The following PEX5L variants were observed in gnomAD, a reference collection of about 807,000 sequenced individuals.
PEX5L encodes the protein PEX5-related protein.
PEX5L carries 30 observed loss-of-function variants against 84.0 expected under a neutral mutation model. That is an observed-to-expected ratio of 0.36 (90% CI 0.27 to 0.48). PEX5L has a LOEUF of 0.48. PEX5L is among the 20% of genes least tolerant of loss of function. PEX5L has a pLI of 0.99. For synonymous variants in PEX5L, 270 were observed against 283.1 expected (o/e 0.95, Z 0.46); for missense variants, 533 against 754.6 (o/e 0.71, Z 3.44).
chr3:179,906,462 A>G (rs886971151), intron 2 of PEX5L, among the ~76,000 whole-genome samples: 1 of 152,182 alleles, frequency 6.6e-6, no homozygotes, highest in African/African-American at 2.4e-5. Context: ...CTATCTTAAA[A>G]ACATTTTTTT....
At chr3:180,030,232 T>A (rs982780386) in intron 1 of PEX5L, among the ~76,000 whole-genome samples, 1 of 152,082 alleles carries the variant, frequency 6.6e-6, no homozygotes, top group Non-Finnish European at 1.5e-5. Flanking sequence ...TCTCACTGGG[T>A]TTCTCCACAA....
intron 7 of PEX5L, among the ~76,000 whole-genome samples, chr3:179,868,525 T>C (rs1749171958): frequency 6.6e-6 from 1 of 152,154 alleles, no homozygotes; most frequent in Non-Finnish European, 1.5e-5. Context: ...AATATATTTC[T>C]TTGACATAAT....
intron 7 of PEX5L, among the ~76,000 whole-genome samples, chr3:179,864,788 A>G (rs920031132): frequency 5.9e-5 from 9 of 152,202 alleles, no homozygotes; most frequent in African/African-American, 2.2e-4. Flanking sequence ...GTTTTACATG[A>G]TAAATATATA....
At chr3:179,951,857 A>G (rs1029928652) in intron 2 of PEX5L, among the ~76,000 whole-genome samples, 1 of 152,224 alleles carries the variant, frequency 6.6e-6, no homozygotes, top group Non-Finnish European at 1.5e-5. Context: ...GGTGATGACG[A>G]TGAAATGAAA....
chr3:180,029,192 T>C (rs1450087698), intron 1 of PEX5L, among the ~76,000 whole-genome samples: 1 of 152,148 alleles, frequency 6.6e-6, no homozygotes, highest in Admixed American at 6.5e-5. Flanking sequence ...AATAAATAGT[T>C]TATTTTGTTA....
intron 2 of PEX5L, among the ~76,000 whole-genome samples, chr3:179,960,076 T>C (rs1051445719): frequency 6.6e-6 from 1 of 152,178 alleles, no homozygotes; most frequent in African/African-American, 2.4e-5. Flanking sequence ...CTTATATTTG[T>C]AAAGCTGAAG....
intron 8 of PEX5L, among the ~76,000 whole-genome samples, chr3:179,833,636 C>T (rs908360123): frequency 1.3e-5 from 2 of 152,246 alleles, no homozygotes; most frequent in East Asian, 3.9e-4. Flanking sequence ...CTCTCAGCCT[C>T]TTTTCTATCA....
chr3:179,926,127 T>C (rs1254815823), intron 2 of PEX5L, among the ~76,000 whole-genome samples: 3 of 152,120 alleles, frequency 2.0e-5, no homozygotes, highest in Non-Finnish European at 4.4e-5. Flanking sequence ...ATCCAATCCA[T>C]CAGCAGAGTC....
chr3:180,018,315 T>C (rs2110495928), intron 1 of PEX5L, among the ~76,000 whole-genome samples: 1 of 152,330 alleles, frequency 6.6e-6, no homozygotes, highest in East Asian at 1.9e-4. Flanking sequence ...AACCTTTCTA[T>C]TGAATGGGCT....
At chr3:179,958,035 T>TAC (rs1781027745) in intron 2 of PEX5L, among the ~76,000 whole-genome samples, 1 of 152,030 alleles carries the variant, frequency 6.6e-6, no homozygotes, top group African/African-American at 2.4e-5. Flanking sequence ...CTCACACACA[T>TAC]ACACACACAC....
intron 1 of PEX5L, among the ~76,000 whole-genome samples, chr3:179,981,311 G>A (rs556796415): frequency 1.3e-5 from 2 of 152,204 alleles, no homozygotes; most frequent in African/African-American, 2.4e-5. Context: ...AGAGAGTGAC[G>A]TTATCAGATA....
At chr3:179,853,379 G>T (rs567677760) in intron 8 of PEX5L, among the ~76,000 whole-genome samples, 1 of 152,180 alleles carries the variant, frequency 6.6e-6, no homozygotes, top group African/African-American at 2.4e-5. Flanking sequence ...TCCTGCTAAC[G>T]TTGATGAAGG....
intron 2 of PEX5L, among the ~76,000 whole-genome samples, chr3:179,945,546 G>A (rs895327803): frequency 3.9e-5 from 6 of 152,182 alleles, no homozygotes; most frequent in Non-Finnish European, 7.3e-5. Context: ...CATGATGCCA[G>A]GCTATCTAAT....
At chr3:179,871,133 C>T (rs1349650177) in intron 7 of PEX5L, among the ~76,000 whole-genome samples, 5 of 132,258 alleles carry the variant, frequency 3.8e-5, no homozygotes, top group Admixed American at 3.4e-4. Flanking sequence ...GGCTGAGTCT[C>T]GCTCTGTCAC....
At chr3:179,846,244 AG>A (rs1277014994) in intron 8 of PEX5L, among the ~76,000 whole-genome samples, 1 of 152,168 alleles carries the variant, frequency 6.6e-6, no homozygotes, top group Non-Finnish European at 1.5e-5. Flanking sequence ...CATATTTATG[AG>A]GTATATGTGA....
chr3:180,025,246 C>G (rs1264649232), intron 1 of PEX5L, among the ~76,000 whole-genome samples: 1 of 152,132 alleles, frequency 6.6e-6, no homozygotes, highest in Non-Finnish European at 1.5e-5. Flanking sequence ...ATCACGGAGA[C>G]CATCTCAACT....
chr3:179,983,118 T>C (rs1349146912), intron 1 of PEX5L, among the ~76,000 whole-genome samples: 1 of 152,034 alleles, frequency 6.6e-6, no homozygotes, highest in African/African-American at 2.4e-5. Flanking sequence ...TCAATCTATT[T>C]TTATACATAG....
At chr3:179,925,363 T>TA (rs35818790) in intron 2 of PEX5L, among the ~76,000 whole-genome samples, 68,132 of 151,696 alleles carry the variant, frequency 0.45, 15,510 homozygotes, top group East Asian at 0.61. Context: ...TAGTTTTTTT[T>TA]ATGTGTCCTT....
chr3:179,858,965 G>A (rs982426081), intron 8 of PEX5L, 97 bp downstream of exon 8: 7 of 746,420 alleles, frequency 9.4e-6, no homozygotes, highest in South Asian at 1.5e-5. Flanking sequence ...TGTCTATAAT[G>A]TAAGACCCAT....
Sources: gnomAD v4.1 joint callset for allele counts (sites outside exome capture counted in the v4.1 genomes callset) on GRCh38, gnomAD v4.1.1 for gene constraint, MANE v1.5 for transcripts, NCBI Gene and HGNC (gene_info 2026-07-23, HGNC 2026-07-21) for gene names.